LRP1: variants seen among roughly 807,000 people sequenced by gnomAD.
LRP1 encodes the protein prolow-density lipoprotein receptor-related protein 1.
In LRP1, 51 loss-of-function variants were observed where a neutral mutation model predicts 541.5. That is an observed-to-expected ratio of 0.09 (90% CI 0.08 to 0.12). The LOEUF is 0.12. LRP1 is among the 10% of genes least tolerant of loss of function. The pLI is 1.00. For synonymous variants in LRP1, 2,219 were observed against 2,470.8 expected (o/e 0.90, Z 3.02); for missense variants, 3,878 against 6,376.2 (o/e 0.61, Z 13.34).
chr12:57,200,895 A>G lies in LRP1; in HGVS notation c.10225+80A>G, dbSNP rs2036637786. 8.4e-6 allele frequency: 12 copies of G among 1,432,638 alleles called. No individual in the cohort carries two copies. In the South Asian group the frequency reaches 1.4e-4, roughly 16 times the overall value. 88.7% of individuals were successfully genotyped at this position (1,432,638 alleles called of 1,614,324 possible). A position where few individuals can be genotyped will look rare whatever the true frequency, so the allele number is the denominator to read the frequency against. ...GATTTGGGGCTTTCAAGTGCAGGGAAGTTGCAGCCCACGGCAGCTTGCTCT... is the reference window on the plus strand; with the variant it reads ...GATTTGGGGCTTTCAAGTGCAGGGAGGTTGCAGCCCACGGCAGCTTGCTCT... On this transcript the variant is annotated intron_variant, in intron 64 of 88. Coordinates refer to ENST00000243077, the MANE Select transcript of LRP1 (RefSeq NM_002332.3).
At position 57,195,508 on chromosome 12, in the gene LRP1, G is replaced by C; in HGVS notation, c.8437+109G>C. The C allele has an allele frequency of 3.8e-6, 6 of 1,569,188 alleles. No homozygotes were observed. The South Asian group carries it at 6.9e-5, about 18-fold the overall frequency. On this transcript the variant is annotated intron_variant, in intron 52 of 88. Coordinates refer to ENST00000243077, the MANE Select transcript of LRP1 (RefSeq NM_002332.3). The stretch of plus-strand genomic sequence containing the variant: ...AGGAAATGCCTCAGCGGGGTCCACT[G>C]GGGGCGGAGCCATAGCTGTAGCCCA...
chr12:57,200,662 C>T (rs552263968), intron 63 of LRP1, 37 bp from the exon 64 acceptor site: 1 of 1,589,306 alleles, frequency 6.3e-7, no homozygotes, highest in African/African-American at 1.3e-5. Flanking sequence ...CCGTGTCCAC[C>T]CCAGCCGCTC....
At chr12:57,152,553 A>G (rs929894546) in intron 6 of LRP1, among the ~76,000 whole-genome samples, 5 of 152,198 alleles carry the variant, frequency 3.3e-5, no homozygotes, top group Non-Finnish European at 5.9e-5. Flanking sequence ...GTGTGGGGCA[A>G]AGAATTTGGT....
chr12:57,194,686 C>A lies in LRP1; in HGVS notation c.8178C>A (p.Asp2726Glu). The A allele has an allele frequency of 6.4e-7, 1 of 1,573,310 alleles. No homozygotes were observed. The highest frequency in any genetic ancestry group is 8.6e-7 in the Non-Finnish European group (1 of 1,159,352). ...AGGATGACTGTGAACATGGCGAGGA[C>A]GAGACCCACTGCAGTGAGTGACCAC... ...DKEDDCEHGEDETHCNKFCSE... is the reference protein window; with the variant it reads ...DKEDDCEHGEEETHCNKFCSE... The change falls in exon 50 of 89, where the codon GAC becomes GAA. Residue 2726 changes from aspartate to glutamate, a missense_variant. Coordinates refer to ENST00000243077, the MANE Select transcript of LRP1 (RefSeq NM_002332.3).
At position 57,185,341 on chromosome 12, in the gene LRP1, C is replaced by T. The variant is rs571711063; in HGVS notation, c.6463+136C>T. ...GGGCAACTTCCGATGGCCCGAGAGA[C>T]CCAGGGATGGGGAGGAAAGGCTGAG... On this transcript the variant is annotated intron_variant, in intron 40 of 88. Transcript: ENST00000243077. This position sits in a 1 kb window ranked among gnomAD's most constrained non-coding sequence, Gnocchi z 4.9. 3.8e-5 allele frequency: 53 copies of T among 1,396,138 alleles called. 1 individual carries two copies. The South Asian group carries it at 7.0e-4, about 18-fold the overall frequency. The allele number at this position is 1,396,138 out of a possible 1,614,324, so 86.5% of individuals were successfully genotyped here.
rs2035383280 is a variant in LRP1, at chr12:57,145,386, A to G, written c.737A>G (p.His246Arg). 2 of 1,614,150 alleles carry G rather than the reference A, an allele frequency of 1.2e-6. No individual in the cohort carries two copies. The stretch of plus-strand genomic sequence containing the variant: ...GCCAACGAGACCGTATGCTGGGTGC[A>G]TGTTGGGGACAGTGCTGCTCAGACG... ...SYANETVCWV[H>R]VGDSAAQTQL... Residue 246 changes from histidine (H) to arginine (R), a missense_variant, in exon 6 of 89, where the codon CAT (histidine) becomes CGT (arginine). By Grantham distance (29) the His-to-Arg change is conservative (BLOSUM62 0). Coordinates refer to ENST00000243077, the MANE Select transcript of LRP1 (RefSeq NM_002332.3).
Position 57,158,698 on chromosome 12 carries a change from G to C in LRP1, c.1798+60G>C. Reference sequence around the variant, plus strand: ...GAAGGGGGCTGGGGCCCAGGCATCTGTTTCTCGGTGCCCTCTCAGCAGGAT... The same window carrying C: ...GAAGGGGGCTGGGGCCCAGGCATCTCTTTCTCGGTGCCCTCTCAGCAGGAT... On this transcript the variant is annotated intron_variant, in intron 11 of 88. Transcript: ENST00000243077. The surrounding 1 kb of genome is among the most constrained non-coding windows in gnomAD (Gnocchi z 5.3). 6.8e-7 allele frequency: 1 copy of C among 1,474,110 alleles called. No individual in the cohort carries two copies. Among genetic ancestry groups the C allele is most frequent in the Non-Finnish European group, 9.4e-7 (1 of 1,059,246 alleles). 91.3% of individuals were successfully genotyped at this position (1,474,110 alleles called of 1,614,324 possible). A position where few individuals can be genotyped will look rare whatever the true frequency, so the allele number is the denominator to read the frequency against.
chr12:57,156,638 C>G lies in LRP1; in HGVS notation c.1418-139C>G. Reference sequence around the variant, plus strand: ...GTTGGGGGGCAGAGGGTTTCCACCCCTGTGGCTTCCAAATCCTAAAATGGG... The same window carrying G: ...GTTGGGGGGCAGAGGGTTTCCACCCGTGTGGCTTCCAAATCCTAAAATGGG... On this transcript the variant is annotated intron_variant, in intron 9 of 88. Transcript: ENST00000243077. This position sits in a 1 kb window ranked among gnomAD's most constrained non-coding sequence, Gnocchi z 5.2. 1 of 994,754 alleles carries G rather than the reference C, an allele frequency of 1.0e-6. No individual in the cohort carries two copies. The highest frequency in any genetic ancestry group is 2.7e-5 in the East Asian group (1 of 37,628). 61.6% of individuals were successfully genotyped at this position (994,754 alleles called of 1,614,324 possible). A position where few individuals can be genotyped will look rare whatever the true frequency, so the allele number is the denominator to read the frequency against.
Position 57,179,948 on chromosome 12 carries a change from T to C in LRP1, c.5133T>C (p.Pro1711=), listed in dbSNP as rs1303270036. 7 of 1,613,890 alleles carry C rather than the reference T, an allele frequency of 4.3e-6. No homozygotes were observed. The Admixed American group carries it at 1.2e-4, about 27-fold the overall frequency. The change falls in exon 30 of 89, where the codon CCT becomes CCC. Residue 1711 remains proline, a synonymous_variant. Transcript: ENST00000243077. The surrounding 1 kb of genome is among the most constrained non-coding windows in gnomAD (Gnocchi z 6.8). The part of the protein sequence containing the change: ...LEQPHGLVVH[P]LRGKLYWTDG... ...AGCCCCATGGCCTTGTCGTCCACCC[T>C]CTGCGTGGGTCAGTCTAGGGCCCAG...
In LRP1 at chr12:57,204,373, A is replaced by T. The variant is rs2036723939; in HGVS notation, c.10952-37A>T. 1 of 1,508,310 alleles carries T rather than the reference A, an allele frequency of 6.6e-7. No individual in the cohort carries two copies. Among genetic ancestry groups the T allele is most frequent in the Non-Finnish European group, 8.9e-7 (1 of 1,127,718 alleles). The allele number at this position is 1,508,310 out of a possible 1,614,324, so 93.4% of individuals were successfully genotyped here. On this transcript the variant is annotated intron_variant, in intron 70 of 88. Coordinates refer to ENST00000243077, the MANE Select transcript of LRP1 (RefSeq NM_002332.3). The surrounding 1 kb of genome is among the most constrained non-coding windows in gnomAD (Gnocchi z 5.3). Reference sequence around the variant, plus strand: ...TGGAGACAGGGGTCTGGGTGGGCTCATGGCTCATTCTATCTCTTGGCTCCC... The same window carrying T: ...TGGAGACAGGGGTCTGGGTGGGCTCTTGGCTCATTCTATCTCTTGGCTCCC...
rs34034389 is a variant in LRP1, at chr12:57,166,268, G to A, written c.2797+59G>A. 2.4e-4 allele frequency: 368 copies of A among 1,532,330 alleles called. 1 individual carries two copies. The African/African-American group carries it at 4.3e-3, about 18-fold the overall frequency. The allele number at this position is 1,532,330 out of a possible 1,614,324, so 94.9% of individuals were successfully genotyped here. A position where few individuals can be genotyped will look rare whatever the true frequency, so the allele number is the denominator to read the frequency against. On this transcript the variant is annotated intron_variant, in intron 17 of 88. Transcript: ENST00000243077. Reference sequence around the variant, plus strand: ...CCTCAGTCAAGGAGGCAGGGGAGACGAGGGGGCCAGGTTCAGTGGCTCATG... The same window carrying A: ...CCTCAGTCAAGGAGGCAGGGGAGACAAGGGGGCCAGGTTCAGTGGCTCATG...
chr12:57,183,999 A>G lies in LRP1; in HGVS notation c.5930-86A>G. 1 of 1,603,022 alleles carries G rather than the reference A, an allele frequency of 6.2e-7. No individual in the cohort carries two copies. The highest frequency in any genetic ancestry group is 8.5e-7 in the Non-Finnish European group (1 of 1,173,292). The stretch of plus-strand genomic sequence containing the variant: ...AGGAGTTGGCGGGAGCAGGAAGAGG[A>G]GCTGTAGGGGTGCCTGGGAGCTTGG... On this transcript the variant is annotated intron_variant, in intron 36 of 88. Transcript: ENST00000243077. The surrounding 1 kb of genome is among the most constrained non-coding windows in gnomAD (Gnocchi z 6.1).
chr12:57,179,036 C>T lies in LRP1; in HGVS notation c.4738+15C>T. ...CACCTGCTATGGTAGGAGCCCCTCC[C>T]TCCAGAGCCAGTGAGCAACTGAGGC... On this transcript the variant is annotated intron_variant, in intron 28 of 88. Transcript: ENST00000243077. The surrounding 1 kb of genome is among the most constrained non-coding windows in gnomAD (Gnocchi z 6.8). The T allele has an allele frequency of 6.2e-7, 1 of 1,609,344 alleles. No individual in the cohort carries two copies.
At chr12:57,190,057 G>A (rs1289679217) in intron 42 of LRP1, among the ~76,000 whole-genome samples, 1 of 152,200 alleles carries the variant, frequency 6.6e-6, no homozygotes, top group African/African-American at 2.4e-5. Context: ...TTTACTGAGA[G>A]GAAACCAGGG....
chr12:57,189,695 TAGG>T lies in LRP1; in HGVS notation c.7032-1103_7032-1101del, dbSNP rs1011277394. Among the ~76,000 whole-genome samples, 2 of 141,850 alleles carry T rather than the reference TAGG, an allele frequency of 1.4e-5. No individual in the cohort carries two copies. The highest frequency in any genetic ancestry group is 5.4e-5 in the African/African-American group (2 of 37,004). 93.1% of individuals were successfully genotyped at this position (141,850 alleles called of 152,430 possible). On this transcript the variant is annotated intron_variant, in intron 42 of 88. Transcript: ENST00000243077. This position sits in a 1 kb window ranked among gnomAD's most constrained non-coding sequence, Gnocchi z 4.4. ...TGGCCAGAATGGTGAGGGGCAGAGG[TAGG>T]AGGAGGCCAGAGGCACTGGGGTGGG...
At chr12:57,145,554 T>C in intron 6 of LRP1, 64 bp downstream of exon 6, 2 of 1,573,878 alleles carry the variant, frequency 1.3e-6, no homozygotes, top group Non-Finnish European at 1.7e-6. Context: ...AGGTGGACCC[T>C]ATCTTGAACA....
chr12:57,150,181 AC>A (rs2035498930), intron 6 of LRP1: 1 of 116,046 alleles, frequency 8.6e-6, no homozygotes, highest in East Asian at 2.7e-4. Context: ...TAACAGGAAA[AC>A]TTCCTTCTTT....
At position 57,178,722 on chromosome 12, in the gene LRP1, A is replaced by C; in HGVS notation, c.4606+119A>C. Reference sequence around the variant, plus strand: ...AGGAGCAAGTCTGTGCTGGGATGGCAGGGGTAGGCCGGCTGTTGACAGAGG... The same window carrying C: ...AGGAGCAAGTCTGTGCTGGGATGGCCGGGGTAGGCCGGCTGTTGACAGAGG... On this transcript the variant is annotated intron_variant, in intron 27 of 88. Coordinates refer to ENST00000243077, the MANE Select transcript of LRP1 (RefSeq NM_002332.3). This position sits in a 1 kb window ranked among gnomAD's most constrained non-coding sequence, Gnocchi z 5.8. 6.5e-7 allele frequency: 1 copy of C among 1,539,148 alleles called. No homozygotes were observed. Among genetic ancestry groups the C allele is most frequent in the South Asian group, 1.2e-5 (1 of 81,630 alleles).
At position 57,161,201 on chromosome 12, in the gene LRP1, G is replaced by T. The variant is rs147108503; in HGVS notation, c.2202+86G>T. On this transcript the variant is annotated intron_variant, in intron 13 of 88. Coordinates refer to ENST00000243077, the MANE Select transcript of LRP1 (RefSeq NM_002332.3). The stretch of plus-strand genomic sequence containing the variant: ...TGGATGAGGTTCTGTGTGAGTATGT[G>T]GGTATCTGTGTGTGTCCAGGCCTGT... The T allele has an allele frequency of 5.3e-3, 6,929 of 1,309,690 alleles. 21 individuals carry two copies. Among genetic ancestry groups the T allele is most frequent in the Non-Finnish European group, 6.7e-3 (6,253 of 930,226 alleles). The allele number at this position is 1,309,690 out of a possible 1,614,324, so 81.1% of individuals were successfully genotyped here.
Sources: gnomAD v4.1 joint callset for allele counts (sites outside exome capture counted in the v4.1 genomes callset) on GRCh38, gnomAD v4.1.1 for gene constraint, Gnocchi (gnomAD v3.1) non-coding constraint, MANE v1.5 for transcripts, NCBI Gene and HGNC (gene_info 2026-07-23, HGNC 2026-07-21) for gene names.